Variants in BAZ1B observed in about 807,000 individuals in gnomAD.
BAZ1B encodes the protein bromodomain adjacent to zinc finger domain 1B, also known as tyrosine-protein kinase BAZ1B.
Under a neutral mutation model 153.8 loss-of-function variants are expected in BAZ1B, and 22 were observed. That is an observed-to-expected ratio of 0.14 (90% CI 0.10 to 0.20). BAZ1B has a LOEUF of 0.20. Ranked by LOEUF, BAZ1B falls within the 10% of genes least tolerant of loss-of-function variation. The pLI, the probability that BAZ1B is intolerant of heterozygous loss-of-function variation, is 1.00. For missense variants in BAZ1B, 1,325 were observed against 1,799.3 expected, an observed-to-expected ratio of 0.74 and a Z score of 4.77; for synonymous variants, 676 against 633.4, an observed-to-expected ratio of 1.07 and a Z score of -1.01.
chr7:73,462,874 G>T (rs372395523), intron 12 of BAZ1B, 48 bp downstream of exon 12: 7 of 1,588,700 alleles, frequency 4.4e-6, no homozygotes, highest in Middle Eastern at 1.7e-4. Context: ...AAGAACTTCA[G>T]ATTGAGTTGC....
chr7:73,465,063 T>C (rs191612937), intron 11 of BAZ1B, among the ~76,000 whole-genome samples: 8 of 152,270 alleles, frequency 5.3e-5, no homozygotes, highest in Admixed American at 4.6e-4. Context: ...TATTTATCCG[T>C]TCCATCAGTT....
At position 73,466,364 on chromosome 7, in the gene BAZ1B, G is replaced by A. The variant is rs782565020; in HGVS notation, c.2904C>T (p.Asn968=). Residue 968 remains asparagine, a synonymous_variant, in exon 10 of 20, where the codon AAC becomes AAT. Coordinates refer to ENST00000339594, the MANE Select transcript of BAZ1B (RefSeq NM_032408.4). ...KANLGKNASM[N]TQHGTATEVA... is the part of the protein sequence containing the mutation. ...CTTCTGTTGCTGTTCCATGTTGTGTGTTCATGCTTGCATTTTTACCTAAGT... is the reference window on the plus strand; with the variant it reads ...CTTCTGTTGCTGTTCCATGTTGTGTATTCATGCTTGCATTTTTACCTAAGT... The A allele has an allele frequency of 3.7e-6, 6 of 1,613,960 alleles. No homozygotes were observed. The highest frequency in any genetic ancestry group is 5.1e-6 in the Non-Finnish European group (6 of 1,179,908).
At position 73,450,735 on chromosome 7, in the gene BAZ1B, A is replaced by G; in HGVS notation, c.3580+112T>C. 2 of 1,290,828 alleles carry G rather than the reference A, an allele frequency of 1.5e-6. No homozygotes were observed. The highest frequency in any genetic ancestry group is 2.2e-6 in the Non-Finnish European group (2 of 923,964). 80.0% of individuals were successfully genotyped at this position (1,290,828 alleles called of 1,614,324 possible). On this transcript the variant is annotated intron_variant, in intron 14 of 19. Transcript: ENST00000339594. This position sits in a 1 kb window ranked among gnomAD's most constrained non-coding sequence, Gnocchi z 4.1. ...AGACCTGCAGGAGAGTAAAATCTAT[A>G]CCACACTTATATTCTGTGTACACAA...
intron 3 of BAZ1B, 128 bp from the exon 4 acceptor site, chr7:73,498,826 A>C: frequency 1.3e-6 from 1 of 771,552 alleles, no homozygotes; most frequent in Non-Finnish European, 2.0e-6. Flanking sequence ...TAAAGTATCC[A>C]AGTACAATGA....
At chr7:73,461,454 T>C (rs1788394220) in intron 12 of BAZ1B, among the ~76,000 whole-genome samples, 1 of 152,186 alleles carries the variant, frequency 6.6e-6, no homozygotes, top group Admixed American at 6.5e-5. Flanking sequence ...GATATAGGCC[T>C]GAATTTGGCA....
intron 2 of BAZ1B, among the ~76,000 whole-genome samples, chr7:73,510,397 C>A (rs1387585927): frequency 2.6e-5 from 4 of 152,142 alleles, no homozygotes; most frequent in African/African-American, 9.7e-5. Context: ...CCACTGCACT[C>A]CAGCCTGGGC....
Position 73,498,784 on chromosome 7 carries a change from C to T in BAZ1B, c.370-86G>A, listed in dbSNP as rs1424693291. ...TAGAACATATCATCCAATATACATG[C>T]CTCCTCAACTAACAAAAGGTGATTG... is the stretch of plus-strand genomic sequence containing the variant. On this transcript the variant is annotated intron_variant, in intron 3 of 19. Transcript: ENST00000339594. The T allele has an allele frequency of 8.0e-6, 9 of 1,131,166 alleles. No homozygotes were observed. In the East Asian group the frequency reaches 2.0e-4, roughly 25 times the overall value. 70.1% of individuals were successfully genotyped at this position (1,131,166 alleles called of 1,614,324 possible).
intron 7 of BAZ1B, among the ~76,000 whole-genome samples, chr7:73,475,103 C>G (rs1329084090): frequency 5.9e-5 from 9 of 152,124 alleles, no homozygotes; most frequent in Non-Finnish European, 8.8e-5. Flanking sequence ...GGAGAAAAGT[C>G]AGAACCTTTA....
chr7:73,464,040 T>A (rs1443630584), intron 11 of BAZ1B: 2 of 825,938 alleles, frequency 2.4e-6, no homozygotes, highest in East Asian at 2.5e-4. Context: ...TAGACACATC[T>A]GTATTCAGAC....
At chr7:73,479,219 C>T (rs1789106564) in intron 6 of BAZ1B, among the ~76,000 whole-genome samples, 1 of 152,058 alleles carries the variant, frequency 6.6e-6, no homozygotes, top group Admixed American at 6.6e-5. Context: ...CTTTTAAGAA[C>T]TCATTCTGGC....
intron 1 of BAZ1B, 65 bp downstream of exon 1, chr7:73,521,762 C>A: frequency 1.5e-6 from 2 of 1,357,798 alleles, no homozygotes; most frequent in Non-Finnish European, 2.0e-6. Flanking sequence ...CCTGGTCTCG[C>A]GAGCCCCAGG....
At chr7:73,502,639 G>C (rs116265845) in intron 3 of BAZ1B, among the ~76,000 whole-genome samples, 1,901 of 152,100 alleles carry the variant, frequency 0.012, 41 homozygotes, top group African/African-American at 0.044. Flanking sequence ...AATACAATTA[G>C]CCAGGCATTA....
chr7:73,442,547 A>G lies in BAZ1B; in HGVS notation c.4101T>C (p.Pro1367=). Residue 1367 remains proline, a synonymous_variant, in exon 19 of 20, where the codon CCT becomes CCC. Coordinates refer to ENST00000339594, the MANE Select transcript of BAZ1B (RefSeq NM_032408.4). ...KYRFSWPFRE[P]VTRDEAEDYY... is the part of the protein sequence containing the mutation. ...AGTCCTCGGCCTCATCTCTGGTCAC[A>G]GGCTCCCTGTGGAGAAGAACCAAAT... 1 of 1,608,480 alleles carries G rather than the reference A, an allele frequency of 6.2e-7. No individual in the cohort carries two copies. The highest frequency in any genetic ancestry group is 8.5e-7 in the Non-Finnish European group (1 of 1,176,176).
Position 73,509,012 on chromosome 7 carries a change from C to CA in BAZ1B, c.225-542dup, listed in dbSNP as rs782573117. ...TGGGCGACAGAGCGAGATTCCATCT[C>CA]AAAAAAAAAAAAAAAGACTTAACTT... On this transcript the variant is annotated intron_variant, in intron 2 of 19. Coordinates refer to ENST00000339594, the MANE Select transcript of BAZ1B (RefSeq NM_032408.4). 7.8e-3 allele frequency among the ~76,000 whole-genome samples: 819 copies of CA among 104,720 alleles called. 9 individuals are homozygous for CA. Among genetic ancestry groups the CA allele is most frequent in the African/African-American group, 0.023 (635 of 28,198 alleles). The allele number at this position is 104,720 out of a possible 152,430, so 68.7% of individuals were successfully genotyped here.
At chr7:73,481,506 G>A (rs1432271992) in intron 6 of BAZ1B, among the ~76,000 whole-genome samples, 8 of 132,698 alleles carry the variant, frequency 6.0e-5, no homozygotes, top group Non-Finnish European at 9.4e-5. Flanking sequence ...AACAGAGCGA[G>A]ACTCCATCTC....
At chr7:73,447,930 C>G (rs1554567009) in intron 15 of BAZ1B, among the ~76,000 whole-genome samples, 1 of 152,194 alleles carries the variant, frequency 6.6e-6, no homozygotes, top group Non-Finnish European at 1.5e-5. Context: ...TGTCTCATCT[C>G]TAAGTGCAGC....
In BAZ1B at chr7:73,440,592, G is replaced by A. The variant is rs1331014228; in HGVS notation, c.*1117C>T. On this transcript the variant is annotated 3_prime_UTR_variant, in exon 20 of 20. Transcript: ENST00000339594. Reference sequence around the variant, plus strand: ...GAACAAGAACAGACTGGATGTAGGAGGCAGGGGAAGCTGGCGGTGGTGGGG... The same window carrying A: ...GAACAAGAACAGACTGGATGTAGGAAGCAGGGGAAGCTGGCGGTGGTGGGG... 3 of 152,192 alleles carry A rather than the reference G, an allele frequency of 2.0e-5. No individual in the cohort carries two copies. The highest frequency in any genetic ancestry group is 4.4e-5 in the Non-Finnish European group (3 of 68,038). 9.4% of individuals were successfully genotyped at this position (152,192 alleles called of 1,614,324 possible). A position where few individuals can be genotyped will look rare whatever the true frequency, so the allele number is the denominator to read the frequency against.
At chr7:73,470,592 T>G in intron 7 of BAZ1B, 109 bp from the exon 8 acceptor site, 4 of 1,304,074 alleles carry the variant, frequency 3.1e-6, no homozygotes, top group Non-Finnish European at 4.2e-6. Context: ...AGTTATCAAA[T>G]CTTAGTTTGC....
At chr7:73,507,514 C>A (rs1790392562) in intron 3 of BAZ1B, among the ~76,000 whole-genome samples, 1 of 151,916 alleles carries the variant, frequency 6.6e-6, no homozygotes, top group Non-Finnish European at 1.5e-5. Flanking sequence ...CGAAACTGCA[C>A]TATTCCAGCA....
Sources: allele counts gnomAD v4.1 joint callset (sites outside exome capture counted in the v4.1 genomes callset), GRCh38; gene constraint gnomAD v4.1.1; non-coding constraint Gnocchi (gnomAD v3.1); transcripts MANE v1.5; gene names NCBI Gene and HGNC (gene_info 2026-07-23, HGNC 2026-07-21).